JAK1: variants seen among roughly 807,000 people sequenced by gnomAD.
JAK1 encodes the protein tyrosine-protein kinase JAK1.
JAK1 carries 16 observed loss-of-function variants against 136.6 expected under a neutral mutation model. The ratio of observed to expected loss-of-function variants is 0.12; its 90% CI spans 0.08 to 0.18. The LOEUF is 0.18. Among genes scored for constraint, JAK1 ranks in the 10% least tolerant of loss-of-function variants. The pLI, the probability that JAK1 is intolerant of heterozygous loss-of-function variation, is 1.00. For synonymous variants in JAK1, 492 were observed against 519.5 expected (o/e 0.95, Z 0.72); for missense variants, 859 against 1,450.1 (o/e 0.59, Z 6.62).
intron 1 of JAK1, among the ~76,000 whole-genome samples, chr1:64,942,556 T>A (rs1178300290): frequency 6.6e-6 from 1 of 152,188 alleles, no homozygotes; most frequent in Non-Finnish European, 1.5e-5. Flanking sequence ...ACTGAAAATG[T>A]GTACAAATCT....
intron 1 of JAK1, among the ~76,000 whole-genome samples, chr1:64,891,269 G>A (rs986882598): frequency 1.3e-5 from 2 of 152,172 alleles, no homozygotes; most frequent in Admixed American, 6.5e-5. Flanking sequence ...AGTCAAACAC[G>A]TGACTACTGA....
intron 1 of JAK1, among the ~76,000 whole-genome samples, chr1:64,965,788 C>G (rs1024008528): frequency 6.6e-6 from 1 of 151,716 alleles, no homozygotes; most frequent in Non-Finnish European, 1.5e-5. Flanking sequence ...CCCGAGTTCG[C>G]GGACGCCCAA....
rs1472477422 is a variant in JAK1, at chr1:64,983,514, C to T, written c.-78+60966G>A. ...GGTCAAAGTAAAACAAAAATCAACACCTAAAATCTCCTAAAGAACAAAATG... is the reference window on the plus strand; with the variant it reads ...GGTCAAAGTAAAACAAAAATCAACATCTAAAATCTCCTAAAGAACAAAATG... On this transcript the variant is annotated intron_variant, in intron 2 of 25. Transcript: ENST00000671954. 3.3e-5 allele frequency among the ~76,000 whole-genome samples: 5 copies of T among 152,302 alleles called. No individual in the cohort carries two copies. In the South Asian group the frequency reaches 6.2e-4, roughly 19 times the overall value.
At chr1:64,988,422 T>A (rs1646619787) in intron 2 of JAK1, among the ~76,000 whole-genome samples, 1 of 152,134 alleles carries the variant, frequency 6.6e-6, no homozygotes, top group Non-Finnish European at 1.5e-5. Context: ...ATTTTAAGAT[T>A]TCAAACTCTA....
rs180785799 is a variant in JAK1, at chr1:64,837,617, A to G, written c.3140+315T>C. 2.6e-4 allele frequency among the ~76,000 whole-genome samples: 40 copies of G among 152,358 alleles called. 1 individual carries two copies. The highest frequency in any genetic ancestry group is 9.4e-4 in the African/African-American group (39 of 41,582). On this transcript the variant is annotated intron_variant, in intron 22 of 24. Coordinates refer to ENST00000342505, the MANE Select transcript of JAK1 (RefSeq NM_002227.4). The stretch of plus-strand genomic sequence containing the variant: ...AACTAGATTCTCTCCACCTGCTCAC[A>G]GTTTTAAGAACTGCATCAGATGAAT...
chr1:64,844,955 C>T lies in JAK1; in HGVS notation c.2116-66G>A. ...CCCGCATTCTATTTCCAACCCTGGT[C>T]CCTCAGGTCATCTCTTCCTACCCCC... is the stretch of plus-strand genomic sequence containing the variant. On this transcript the variant is annotated intron_variant, in intron 15 of 24. Transcript: ENST00000342505. The surrounding 1 kb of genome is among the most constrained non-coding windows in gnomAD (Gnocchi z 5.7). 6.2e-7 allele frequency: 1 copy of T among 1,603,354 alleles called. No individual in the cohort carries two copies. The highest frequency in any genetic ancestry group is 1.1e-5 in the South Asian group (1 of 89,850).
rs1426050655 is a variant in JAK1, at chr1:65,067,031, C to G, written c.-181+573G>C. 2.0e-5 allele frequency among the ~76,000 whole-genome samples: 3 copies of G among 152,240 alleles called. No homozygotes were observed. In the East Asian group the frequency reaches 5.8e-4, roughly 30 times the overall value. On this transcript the variant is annotated intron_variant, in intron 1 of 25. Transcript: ENST00000671954. ...GGGCCGCGCAAAACCGCGGAAATGCCCATGGGCGAGGTCGCCCCGCTACCC... is the reference window on the plus strand; with the variant it reads ...GGGCCGCGCAAAACCGCGGAAATGCGCATGGGCGAGGTCGCCCCGCTACCC...
At chr1:64,929,341 T>C (rs766182642) in intron 1 of JAK1, among the ~76,000 whole-genome samples, 109 of 152,354 alleles carry the variant, frequency 7.2e-4, no homozygotes, top group Non-Finnish European at 1.1e-3. Flanking sequence ...TTCCCCCTAT[T>C]CATCTTTCAG....
intron 19 of JAK1, among the ~76,000 whole-genome samples, chr1:64,841,027 T>C (rs1356959338): frequency 2.6e-5 from 4 of 152,178 alleles, no homozygotes; most frequent in Admixed American, 2.6e-4. Flanking sequence ...CAGTCGTGCA[T>C]GCAGGCAGGG....
At chr1:64,837,645 CCT>C (rs1375313403) in intron 22 of JAK1, among the ~76,000 whole-genome samples, 1 of 152,168 alleles carries the variant, frequency 6.6e-6, no homozygotes, top group African/African-American at 2.4e-5. Flanking sequence ...AGATGAATGC[CCT>C]CTCCTGGAAA....
intron 3 of JAK1, among the ~76,000 whole-genome samples, chr1:64,881,564 A>G (rs1224859687): frequency 6.6e-6 from 1 of 152,220 alleles, no homozygotes; most frequent in Non-Finnish European, 1.5e-5. Flanking sequence ...GAGAGCTACA[A>G]GAACCTGTGG....
At position 64,954,116 on chromosome 1, in the gene JAK1, T is replaced by C. The variant is rs138333268; in HGVS notation, c.-78+12217A>G. On this transcript the variant is annotated intron_variant, in intron 1 of 24. Coordinates refer to ENST00000342505, the MANE Select transcript of JAK1 (RefSeq NM_002227.4). Reference sequence around the variant, plus strand: ...TAGGTTCTCATTTTAAATACCAATGTCAGGAGAGAAAGAGAAAGAAAAGGA... The same window carrying C: ...TAGGTTCTCATTTTAAATACCAATGCCAGGAGAGAAAGAGAAAGAAAAGGA... Among the ~76,000 whole-genome samples, 364 of 152,284 alleles carry C rather than the reference T, an allele frequency of 2.4e-3. 2 individuals are homozygous for C. The highest frequency in any genetic ancestry group is 8.4e-3 in the African/African-American group (350 of 41,562).
At chr1:64,858,043 C>G (rs1656053972) in intron 9 of JAK1, among the ~76,000 whole-genome samples, 1 of 152,198 alleles carries the variant, frequency 6.6e-6, no homozygotes, top group African/African-American at 2.4e-5. Flanking sequence ...TCCCCGCATT[C>G]CCTACAGACA....
At chr1:64,974,723 A>C (rs952491231) in intron 2 of JAK1, 2 of 152,258 alleles carry the variant, frequency 1.3e-5, no homozygotes, top group Admixed American at 1.3e-4. Context: ...CATCTGTGGA[A>C]GAAGAGAGGG....
chr1:65,041,870 C>T (rs61188615), intron 2 of JAK1, among the ~76,000 whole-genome samples: 31,462 of 151,998 alleles, frequency 0.21, 3,608 homozygotes, highest in African/African-American at 0.3. Context: ...AAAACCCCGT[C>T]TCTAGCAAAA....
chr1:64,953,418 G>C (rs946226384), intron 1 of JAK1, among the ~76,000 whole-genome samples: 1 of 152,096 alleles, frequency 6.6e-6, no homozygotes, highest in Non-Finnish European at 1.5e-5. Flanking sequence ...GCTCGTCCTG[G>C]TTCCAAGTCC....
chr1:64,894,741 C>T (rs1452699580), intron 1 of JAK1, among the ~76,000 whole-genome samples: 1 of 152,102 alleles, frequency 6.6e-6, no homozygotes, highest in Non-Finnish European at 1.5e-5. Context: ...CATGCTGCTG[C>T]ACTCTAGCCT....
chr1:64,840,302 G>A lies in JAK1; in HGVS notation c.2650-507C>T, dbSNP rs377497427. On this transcript the variant is annotated intron_variant, in intron 19 of 24. Coordinates refer to ENST00000342505, the MANE Select transcript of JAK1 (RefSeq NM_002227.4). Reference sequence around the variant, plus strand: ...GCATACAGAAACTGGCCTCGGGGACGGTGGGGGGAACTAAGGATGCCATGC... The same window carrying A: ...GCATACAGAAACTGGCCTCGGGGACAGTGGGGGGAACTAAGGATGCCATGC... Among the ~76,000 whole-genome samples, 82 of 152,276 alleles carry A rather than the reference G, an allele frequency of 5.4e-4. 9 individuals are homozygous for A. The highest frequency in any genetic ancestry group is 1.0e-3 in the South Asian group (5 of 4,820).
At chr1:64,959,681 G>A (rs773878852) in intron 1 of JAK1, among the ~76,000 whole-genome samples, 1 of 152,152 alleles carries the variant, frequency 6.6e-6, no homozygotes, top group Non-Finnish European at 1.5e-5. Flanking sequence ...ACCTTTGTTA[G>A]TCATTTTTCC....
Sources: allele counts gnomAD v4.1 joint callset (sites outside exome capture counted in the v4.1 genomes callset), GRCh38; gene constraint gnomAD v4.1.1; non-coding constraint Gnocchi (gnomAD v3.1); transcripts MANE v1.5; gene names NCBI Gene and HGNC (gene_info 2026-07-23, HGNC 2026-07-21).